The following ATP8B3 variants were observed in gnomAD, a reference collection of about 807,000 sequenced individuals.
ATP8B3 encodes the protein phospholipid-transporting ATPase IK.
A neutral mutation model predicts 140.9 loss-of-function variants in ATP8B3; 141 were observed. The ratio of observed to expected loss-of-function variants is 1.00; its 90% CI spans 0.87 to 1.15. The LOEUF is 1.15. ATP8B3 is among the 50% of genes most tolerant of loss of function. The pLI is 0.00. For synonymous variants in ATP8B3, 765 were observed against 714.6 expected (o/e 1.07, Z -1.13); for missense variants, 1,874 against 1,740.6 (o/e 1.08, Z -1.36).
intron 2 of ATP8B3, among the ~76,000 whole-genome samples, 194 bp downstream of exon 2, chr19:1,811,295 T>C (rs2069180693): frequency 6.6e-6 from 1 of 152,070 alleles, no homozygotes; most frequent in African/African-American, 2.4e-5. Context: ...CCTGGAATCT[T>C]CTCCACTAGC....
At position 1,798,376 on chromosome 19, in the gene ATP8B3, C is replaced by A. The variant is rs534132207; in HGVS notation, c.1553-1371G>T. 1.5e-4 allele frequency among the ~76,000 whole-genome samples: 23 copies of A among 152,086 alleles called. No homozygotes were observed. In the East Asian group the frequency reaches 1.5e-3, roughly 10 times the overall value. ...CCCCACCACATCATCAATTTTTGTACGGCCTGCGAGCTAAGAATTGTTTTT... is the reference window on the plus strand; with the variant it reads ...CCCCACCACATCATCAATTTTTGTAAGGCCTGCGAGCTAAGAATTGTTTTT... On this transcript the variant is annotated intron_variant, in intron 14 of 28. Transcript: ENST00000310127.
intron 10 of ATP8B3, among the ~76,000 whole-genome samples, chr19:1,803,039 G>T (rs901913873): frequency 6.6e-6 from 1 of 152,118 alleles, no homozygotes; most frequent in African/African-American, 2.4e-5. Context: ...CCCAGGGCAC[G>T]GACCAGCACC....
Position 1,807,003 on chromosome 19 carries a change from C to G in ATP8B3, c.615+165G>C, listed in dbSNP as rs1258953312. Among the ~76,000 whole-genome samples the G allele has an allele frequency of 6.6e-6, 1 of 152,148 alleles. No individual in the cohort carries two copies. The highest frequency in any genetic ancestry group is 1.5e-5 in the Non-Finnish European group (1 of 68,018). ...CTGCGGCACCTGCCCAATGTGGGTG[C>G]TAGCAGATAAGGACAATGTAGCCCC... On this transcript the variant is annotated intron_variant, in intron 6 of 28. Coordinates refer to ENST00000310127, the MANE Select transcript of ATP8B3 (RefSeq NM_138813.4). The surrounding 1 kb of genome is among the most constrained non-coding windows in gnomAD (Gnocchi z 5.9).
chr19:1,799,869 C>T lies in ATP8B3; in HGVS notation c.1552+78G>A, dbSNP rs1455963412. ...CGGAGGTGCTGGGCATGGGGCCAGA[C>T]GTGGCTCTGGTTCTCAGGCACCCTG... On this transcript the variant is annotated intron_variant, in intron 14 of 28. Transcript: ENST00000310127. 5.1e-6 allele frequency: 7 copies of T among 1,379,986 alleles called. No homozygotes were observed. The Admixed American group carries it at 5.9e-5, about 12-fold the overall frequency. 85.5% of individuals were successfully genotyped at this position (1,379,986 alleles called of 1,614,324 possible).
chr19:1,801,822 T>C, intron 12 of ATP8B3, 134 bp downstream of exon 12: 1 of 444,578 alleles, frequency 2.2e-6, no homozygotes, highest in Non-Finnish European at 4.0e-6. Flanking sequence ...ATGAAAAATT[T>C]TCTGGCCCAA....
intron 24 of ATP8B3, among the ~76,000 whole-genome samples, chr19:1,787,630 G>T (rs1223691039): frequency 2.0e-5 from 3 of 150,882 alleles, no homozygotes; most frequent in Non-Finnish European, 4.4e-5. Flanking sequence ...TTGGGAGGCT[G>T]AGACAGGAGA....
In ATP8B3 at chr19:1,785,255, T is replaced by C. The variant is rs769040419; in HGVS notation, c.3436A>G (p.Thr1146Ala). ...TAGAAACCAAGGCTGAGGAGGATGG[T>C]CGCCACGCACAGGGCGGTCCAGTAC... ...IKYWTALCVA[T>A]ILLSLGFYAI... Residue 1146 changes from threonine to alanine, a missense_variant, in exon 27 of 29, where the codon ACC becomes GCC. Transcript: ENST00000310127. 6.2e-7 allele frequency: 1 copy of C among 1,609,574 alleles called. No homozygotes were observed. The highest frequency in any genetic ancestry group is 1.3e-5 in the African/African-American group (1 of 74,830).
Position 1,807,399 on chromosome 19 carries a change from A to G in ATP8B3, c.517-133T>C, listed in dbSNP as rs1600480868. The G allele has an allele frequency of 2.9e-6, 2 of 683,448 alleles. No homozygotes were observed. Among genetic ancestry groups the G allele is most frequent in the East Asian group, 2.8e-5 (1 of 35,604 alleles). The allele number at this position is 683,448 out of a possible 1,614,324, so 42.3% of individuals were successfully genotyped here. ...TGGCCACCTTGACCGGGGTCCAGCC[A>G]TCTCCTGCAACCCCCAGCCCTCGGG... On this transcript the variant is annotated intron_variant, in intron 5 of 28. Transcript: ENST00000310127. The surrounding 1 kb of genome is among the most constrained non-coding windows in gnomAD (Gnocchi z 5.9).
In ATP8B3 at chr19:1,789,878, A is replaced by G; in HGVS notation, c.2478+12T>C. On this transcript the variant is annotated intron_variant, in intron 22 of 28. Coordinates refer to ENST00000310127, the MANE Select transcript of ATP8B3 (RefSeq NM_138813.4). Reference sequence around the variant, plus strand: ...CGCCGGGACCCCGCCGTCCACCCTGAGCGACACTGACCAGGAAGTCTCCGT... The same window carrying G: ...CGCCGGGACCCCGCCGTCCACCCTGGGCGACACTGACCAGGAAGTCTCCGT... 1 of 1,609,566 alleles carries G rather than the reference A, an allele frequency of 6.2e-7. No individual in the cohort carries two copies. Among genetic ancestry groups the G allele is most frequent in the Non-Finnish European group, 8.5e-7 (1 of 1,177,888 alleles).
chr19:1,809,513 G>T, intron 4 of ATP8B3, 130 bp downstream of exon 4: 1 of 792,622 alleles, frequency 1.3e-6, no homozygotes, highest in Non-Finnish European at 2.0e-6. Flanking sequence ...AAAAGAAAAC[G>T]AAAACCAAAA....
chr19:1,795,916 T>G lies in ATP8B3; in HGVS notation c.2014A>C (p.Arg672=). The G allele has an allele frequency of 1.2e-6, 2 of 1,612,680 alleles. No individual in the cohort carries two copies. Among genetic ancestry groups the G allele is most frequent in the Admixed American group, 1.7e-5 (1 of 59,970 alleles). ...GTGGCAAATTCCATTGCCCCCCTCC[T>G]GTGCAAGCGTTCGAAGATGACCGTG... ...ADTVIFERLH[R]RGAMEFATEE... is the part of the protein sequence containing the mutation. The change falls in exon 18 of 29, where the codon AGG becomes CGG. Residue 672 remains arginine, a synonymous_variant. Coordinates refer to ENST00000310127, the MANE Select transcript of ATP8B3 (RefSeq NM_138813.4).
At chr19:1,790,058 C>G in intron 21 of ATP8B3, 69 bp from the exon 22 acceptor site, 1 of 1,205,766 alleles carries the variant, frequency 8.3e-7, no homozygotes, top group Non-Finnish European at 1.2e-6. Flanking sequence ...GGGGGCTCCA[C>G]TGCCCCTCCC....
chr19:1,802,144 C>A, intron 11 of ATP8B3, 100 bp from the exon 12 acceptor site: 6 of 826,156 alleles, frequency 7.3e-6, no homozygotes, highest in South Asian at 1.7e-5. Context: ...CATCCACCCA[C>A]CTACCCATCC....
In ATP8B3 at chr19:1,805,891, T is replaced by C. The variant is rs780337237; in HGVS notation, c.818A>G (p.Asp273Gly). The change falls in exon 9 of 29, where the codon GAC becomes GGC. Residue 273 changes from aspartate to glycine, a missense_variant. Asp to Gly is a moderately conservative substitution (Grantham distance 94, BLOSUM62 -1). Coordinates refer to ENST00000310127, the MANE Select transcript of ATP8B3 (RefSeq NM_138813.4). The surrounding 1 kb of genome is among the most constrained non-coding windows in gnomAD (Gnocchi z 5.2). ...SLCYVETVDI[D>G]GETNLKFRQA... The stretch of plus-strand genomic sequence containing the variant: ...CAGCGATGCCACAGCTCCTCACCCG[T>C]CAATGTCCACCGTCTCCACATAGCA... 1.7e-5 allele frequency: 28 copies of C among 1,612,776 alleles called. No homozygotes were observed. The highest frequency in any genetic ancestry group is 2.3e-5 in the Non-Finnish European group (27 of 1,179,812).
At chr19:1,785,110 G>A in intron 27 of ATP8B3, 49 bp downstream of exon 27, 3 of 1,495,950 alleles carry the variant, frequency 2.0e-6, no homozygotes, top group African/African-American at 1.4e-5. Flanking sequence ...CTTCCATCGG[G>A]GCTCCCCTGC....
In ATP8B3 at chr19:1,811,481, G is replaced by A. The variant is rs769252166; in HGVS notation, c.248+8C>T. 8.7e-6 allele frequency: 14 copies of A among 1,609,962 alleles called. No homozygotes were observed. The Admixed American group carries it at 1.2e-4, about 13-fold the overall frequency. Reference sequence around the variant, plus strand: ...TGTGTTCCGGCCACCCGATGCACCCGTCCTCACCCTTCTGGTCTCCATTCA... The same window carrying A: ...TGTGTTCCGGCCACCCGATGCACCCATCCTCACCCTTCTGGTCTCCATTCA... On this transcript the variant is annotated splice_region_variant and intron_variant, in intron 2 of 28. Coordinates refer to ENST00000310127, the MANE Select transcript of ATP8B3 (RefSeq NM_138813.4).
rs1383788120 is a variant in ATP8B3, at chr19:1,796,705, G to A, written c.1753+6C>T. On this transcript the variant is annotated splice_donor_region_variant and intron_variant, in intron 16 of 28. Transcript: ENST00000310127. ...GCCTCAGAGATGGGGAGGTGGGTGG[G>A]CGCACCTGGGCGCTCACGGGGGCTC... The A allele has an allele frequency of 1.9e-6, 3 of 1,607,410 alleles. No individual in the cohort carries two copies. The highest frequency in any genetic ancestry group is 1.7e-5 in the Admixed American group (1 of 59,822).
rs1449194983 is a variant in ATP8B3, at chr19:1,800,900, C to T, written c.1153-451G>A. On this transcript the variant is annotated intron_variant, in intron 12 of 28. Transcript: ENST00000310127. This position sits in a 1 kb window ranked among gnomAD's most constrained non-coding sequence, Gnocchi z 4.4. ...CTGGAGTGCAGTGGCGCGATCTTGGCTCACAGCAAGCTCCGCCTCCCGGGT... is the reference window on the plus strand; with the variant it reads ...CTGGAGTGCAGTGGCGCGATCTTGGTTCACAGCAAGCTCCGCCTCCCGGGT... Among the ~76,000 whole-genome samples the T allele has an allele frequency of 6.7e-6, 1 of 150,322 alleles. No homozygotes were observed. Among genetic ancestry groups the T allele is most frequent in the Non-Finnish European group, 1.5e-5 (1 of 67,804 alleles).
Position 1,805,281 on chromosome 19 carries a change from T to C in ATP8B3, c.904+93A>G. The C allele has an allele frequency of 3.1e-6, 4 of 1,300,002 alleles. No homozygotes were observed. Among genetic ancestry groups the C allele is most frequent in the Non-Finnish European group, 4.3e-6 (4 of 921,158 alleles). 80.5% of individuals were successfully genotyped at this position (1,300,002 alleles called of 1,614,324 possible). A position where few individuals can be genotyped will look rare whatever the true frequency, so the allele number is the denominator to read the frequency against. ...TGAGCCACTGGGCCTGGCCAGCACCTTGTTTTAAAAACAGTAATAACAACA... is the reference window on the plus strand; with the variant it reads ...TGAGCCACTGGGCCTGGCCAGCACCCTGTTTTAAAAACAGTAATAACAACA... On this transcript the variant is annotated intron_variant, in intron 10 of 28. Transcript: ENST00000310127. The surrounding 1 kb of genome is among the most constrained non-coding windows in gnomAD (Gnocchi z 5.2).
Sources: allele counts gnomAD v4.1 joint callset (sites outside exome capture counted in the v4.1 genomes callset), GRCh38; gene constraint gnomAD v4.1.1; non-coding constraint Gnocchi (gnomAD v3.1); transcripts MANE v1.5; gene names NCBI Gene and HGNC (gene_info 2026-07-23, HGNC 2026-07-21).